The following TTC17 variants were observed in gnomAD, a reference collection of about 807,000 sequenced individuals.
The protein encoded by TTC17 is tetratricopeptide repeat domain 17, also known as tetratricopeptide repeat protein 17.
Under a neutral mutation model 143.8 loss-of-function variants are expected in TTC17, and 58 were observed. The observed-to-expected ratio is 0.40, with a 90% confidence interval of 0.33 to 0.50. The LOEUF is 0.50. TTC17 is among the 20% of genes least tolerant of loss of function. The pLI is 0.49. For missense variants in TTC17, 1,273 were observed against 1,392.5 expected (o/e 0.91, Z 1.37); for synonymous variants, 501 against 497.8 (o/e 1.01, Z -0.09).
intron 3 of TTC17, 62 bp downstream of exon 3, chr11:43,389,883 G>A: frequency 6.9e-7 from 1 of 1,442,688 alleles, no homozygotes; most frequent in Non-Finnish European, 9.4e-7. Flanking sequence ...TCTCAAATTA[G>A]TAAGAAATTA....
intron 10 of TTC17, 35 bp from the exon 11 acceptor site, chr11:43,403,963 T>A: frequency 1.3e-6 from 2 of 1,551,530 alleles, no homozygotes; most frequent in Non-Finnish European, 1.7e-6. Context: ...CTTTTCCACT[T>A]TCAATTTGAT....
chr11:43,439,593 G>T (rs778119638), intron 16 of TTC17, among the ~76,000 whole-genome samples: 7 of 150,160 alleles, frequency 4.7e-5, no homozygotes, highest in Non-Finnish European at 1.0e-4. Flanking sequence ...TCAGCCTCCC[G>T]AGGTGGCTGG....
At chr11:43,443,697 C>T (rs1947475264) in intron 17 of TTC17, 113 bp downstream of exon 17, 2 of 1,311,470 alleles carry the variant, frequency 1.5e-6, no homozygotes, top group Non-Finnish European at 2.1e-6. Context: ...GCTATGCACT[C>T]CAGGACAGCC....
At position 43,493,871 on chromosome 11, in the gene TTC17, C is replaced by T. The variant is rs1483105646; in HGVS notation, c.3393C>T (p.His1131=). The change falls in exon 24 of 24, where the codon CAC becomes CAT. Residue 1131 remains histidine (H), a synonymous_variant. Coordinates refer to ENST00000039989, the MANE Select transcript of TTC17 (RefSeq NM_018259.6). ...ACCGAATCCAGACCATCCAGTGTCA[C>T]TTAATGCTGAAGAAGGGACGGCGCT... ...AKNRIQTIQC[H]LMLKKGRRSP The T allele has an allele frequency of 1.2e-6, 2 of 1,613,574 alleles. No individual in the cohort carries two copies. Among genetic ancestry groups the T allele is most frequent in the South Asian group, 2.2e-5 (2 of 91,050 alleles).
In TTC17 at chr11:43,415,456, G is replaced by C. The variant is rs138325453; in HGVS notation, c.2251+680G>C. 7.9e-5 allele frequency among the ~76,000 whole-genome samples: 12 copies of C among 152,260 alleles called. No individual in the cohort carries two copies. The East Asian group carries it at 1.3e-3, about 17-fold the overall frequency. On this transcript the variant is annotated intron_variant, in intron 16 of 23. Transcript: ENST00000039989. ...ATAAAATCGTGAATTTTAACTCTCT[G>C]CCTTGAATTGGGATGGGTGCAGTTT... is the stretch of plus-strand genomic sequence containing the variant.
intron 21 of TTC17, among the ~76,000 whole-genome samples, chr11:43,461,369 C>A (rs1358649432): frequency 8.4e-6 from 1 of 119,548 alleles, no homozygotes; most frequent in Admixed American, 1.1e-4. Flanking sequence ...CCGGCCTGGG[C>A]GACAGAGCGA....
chr11:43,372,594 G>A (rs773301989), intron 1 of TTC17, among the ~76,000 whole-genome samples: 4 of 151,028 alleles, frequency 2.6e-5, no homozygotes, highest in Non-Finnish European at 4.4e-5. Context: ...GGATTCAAGC[G>A]ATTCTCCTGC....
At chr11:43,391,676 T>G (rs2134530988) in intron 4 of TTC17, 100 bp downstream of exon 4, 2 of 1,286,330 alleles carry the variant, frequency 1.6e-6, no homozygotes, top group South Asian at 2.8e-5. Flanking sequence ...CTCTCCTTCC[T>G]GACAGCTTTG....
chr11:43,417,317 T>C (rs1402696610), intron 16 of TTC17, among the ~76,000 whole-genome samples: 1 of 152,180 alleles, frequency 6.6e-6, no homozygotes, highest in Non-Finnish European at 1.5e-5. Flanking sequence ...CTCTGAAGGA[T>C]GATTAGGATT....
At chr11:43,399,527 G>A (rs1857757746) in intron 8 of TTC17, among the ~76,000 whole-genome samples, 1 of 151,992 alleles carries the variant, frequency 6.6e-6, no homozygotes, top group Non-Finnish European at 1.5e-5. Flanking sequence ...AATTAGCCAG[G>A]CATGGTGGCG....
Position 43,492,836 on chromosome 11 carries a change from A to AC in TTC17, c.3294+678dup. On this transcript the variant is annotated intron_variant, in intron 23 of 23. Transcript: ENST00000039989. ...TTTCAGAACTGAAAATCCCAGGGGGACCCCCTAAAAGCTGTCATAACCCAA... is the reference window on the plus strand; with the variant it reads ...TTTCAGAACTGAAAATCCCAGGGGGACCCCCCTAAAAGCTGTCATAACCCAA... Among the ~76,000 whole-genome samples, 3 of 152,224 alleles carry AC rather than the reference A, an allele frequency of 2.0e-5. No individual in the cohort carries two copies. In the South Asian group the frequency reaches 6.2e-4, roughly 32 times the overall value.
chr11:43,360,015 T>G (rs1355028972), intron 1 of TTC17, among the ~76,000 whole-genome samples: 1 of 152,216 alleles, frequency 6.6e-6, no homozygotes, highest in Admixed American at 6.5e-5. Flanking sequence ...AATCTTGAAG[T>G]GTCTAGCAAA....
In TTC17 at chr11:43,451,278, A is replaced by C; in HGVS notation, c.3030+13A>C. On this transcript the variant is annotated intron_variant, in intron 21 of 23. Coordinates refer to ENST00000039989, the MANE Select transcript of TTC17 (RefSeq NM_018259.6). ...AGTTTTGGAAAAGGTAAGTCACCCC[A>C]CAGAAAAGCTGGAAACAATTGCCCT... 6.2e-7 allele frequency: 1 copy of C among 1,611,408 alleles called. No homozygotes were observed. The highest frequency in any genetic ancestry group is 1.1e-5 in the South Asian group (1 of 90,926).
intron 1 of TTC17, among the ~76,000 whole-genome samples, chr11:43,371,495 C>CGTATGGGG (rs1554982973): frequency 1.3e-5 from 2 of 152,164 alleles, no homozygotes; most frequent in Non-Finnish European, 2.9e-5. Context: ...CACAGGGTGA[C>CGTATGGGG]GTATGGGGCA....
intron 1 of TTC17, among the ~76,000 whole-genome samples, chr11:43,363,762 A>C (rs1003715231): frequency 6.6e-6 from 1 of 152,226 alleles, no homozygotes; most frequent in African/African-American, 2.4e-5. Flanking sequence ...AAAATGGATT[A>C]GTCTGCAGTA....
chr11:43,464,786 C>T (rs185895368), intron 21 of TTC17, among the ~76,000 whole-genome samples: 1 of 151,734 alleles, frequency 6.6e-6, no homozygotes, highest in Admixed American at 6.6e-5. Flanking sequence ...CTGATCTGGG[C>T]AGAGAAACCA....
Position 43,443,573 on chromosome 11 carries a change from G to A in TTC17, c.2500G>A (p.Ala834Thr), listed in dbSNP as rs762284885. 1.2e-5 allele frequency: 20 copies of A among 1,608,590 alleles called. No individual in the cohort carries two copies. The South Asian group carries it at 2.0e-4, about 16-fold the overall frequency. The change falls in exon 17 of 24, where the codon GCA becomes ACA. Residue 834 changes from alanine to threonine, a missense_variant. Ala to Thr is a moderately conservative substitution (Grantham distance 58). Around this residue, in one of 3 missense-constraint regions of TTC17, gnomAD observed 878 missense variants for 899.8 expected, o/e 0.98. Coordinates refer to ENST00000039989, the MANE Select transcript of TTC17 (RefSeq NM_018259.6). Reference sequence around the variant, plus strand: ...AGACTGCAGAAGTGAAGATGATGAAGCAACAGAATGGGTAAGTTTGCCAAC... The same window carrying A: ...AGACTGCAGAAGTGAAGATGATGAAACAACAGAATGGGTAAGTTTGCCAAC... Reference protein sequence around the residue: ...YGDCRSEDDEATEWITFQVKR... With the variant: ...YGDCRSEDDETTEWITFQVKR...
intron 1 of TTC17, among the ~76,000 whole-genome samples, chr11:43,359,616 C>T (rs561584467): frequency 3.0e-4 from 45 of 152,292 alleles, no homozygotes; most frequent in Non-Finnish European, 6.0e-4. Context: ...TGGTGGATTT[C>T]GTTTCTGGTT....
At chr11:43,432,757 A>G (rs1277429865) in intron 16 of TTC17, among the ~76,000 whole-genome samples, 1 of 151,992 alleles carries the variant, frequency 6.6e-6, no homozygotes. Flanking sequence ...TGCCAGGAAA[A>G]CAGGCAATAT....
Sources: gnomAD v4.1 joint callset for allele counts (sites outside exome capture counted in the v4.1 genomes callset) on GRCh38, gnomAD v4.1.1 for gene constraint, gnomAD v4.1.1 regional missense constraint, MANE v1.5 for transcripts, NCBI Gene and HGNC (gene_info 2026-07-23, HGNC 2026-07-21) for gene names.